KLHL25: variants seen among roughly 807,000 people sequenced by gnomAD.
KLHL25 encodes the protein kelch like family member 25, also known as kelch-like protein 25.
KLHL25 carries 41 observed loss-of-function variants against 30.0 expected under a neutral mutation model. The observed-to-expected ratio is 1.37, with a 90% CI of 1.07 to 1.78. The LOEUF (loss-of-function observed/expected upper bound fraction) is 1.78, where lower values mean the gene tolerates loss of function less well. KLHL25 is among the 40% of genes most tolerant of loss of function. KLHL25 has a pLI of 0.00. For synonymous variants in KLHL25, 399 were observed against 355.3 expected, an observed-to-expected ratio of 1.12 and a Z score of -1.38; for missense variants, 971 against 824.5, an observed-to-expected ratio of 1.18 and a Z score of -2.18.
intron 1 of KLHL25, among the ~76,000 whole-genome samples, chr15:85,792,346 T>C (rs1241083791): frequency 6.6e-6 from 1 of 152,220 alleles, no homozygotes; most frequent in Non-Finnish European, 1.5e-5. Context: ...GGCAATTAAA[T>C]TATGAAATTT....
intron 1 of KLHL25, among the ~76,000 whole-genome samples, chr15:85,772,408 G>T (rs549272642): frequency 1.3e-5 from 2 of 152,388 alleles, no homozygotes; most frequent in African/African-American, 2.4e-5. Context: ...CCCTGCCAGA[G>T]GGGAGGCTGG....
intron 1 of KLHL25, among the ~76,000 whole-genome samples, chr15:85,788,782 G>T (rs1418794124): frequency 6.6e-6 from 1 of 152,156 alleles, no homozygotes; most frequent in East Asian, 1.9e-4. Context: ...AACAAAGCTG[G>T]GTACCTTTCT....
At chr15:85,761,263 G>A (rs2089580552) in intron 2 of KLHL25, 2 of 152,370 alleles carry the variant, frequency 1.3e-5, no homozygotes, top group Admixed American at 6.5e-5. Flanking sequence ...GACACATTAC[G>A]TATTCTCAGT....
chr15:85,777,548 A>C (rs150192961), intron 1 of KLHL25, among the ~76,000 whole-genome samples: 3 of 152,214 alleles, frequency 2.0e-5, no homozygotes, highest in Non-Finnish European at 4.4e-5. Context: ...TGCCTTCTCC[A>C]CATGCTCCAG....
intron 1 of KLHL25, among the ~76,000 whole-genome samples, chr15:85,784,608 G>T (rs565584344): frequency 6.6e-6 from 1 of 152,216 alleles, no homozygotes; most frequent in South Asian, 2.1e-4. Context: ...GAGATTCAAA[G>T]CAAGAAAGGA....
rs1567237388 is a variant in KLHL25 at position 85,765,637 on chromosome 15, AAG to A, written c.*24+2378_*24+2379del. ...AGACTGTCTCAAAAAAAAAAAAAAG[AAG>A]AAGAAGAAGAAGAAGAAAACAGAAA... On this transcript the variant is annotated intron_variant, in intron 2 of 2. Transcript: ENST00000337975. 2.0e-3 allele frequency among the ~76,000 whole-genome samples: 100 copies of A among 49,098 alleles called. 1 individual carries two copies. In the East Asian group the frequency reaches 0.06, roughly 29 times the overall value. The allele number at this position is 49,098 out of a possible 152,430, so 32.2% of individuals were successfully genotyped here.
At position 85,768,393 on chromosome 15, in the gene KLHL25, G is replaced by T; in HGVS notation, c.1418C>A (p.Thr473Lys). 1 of 1,613,602 alleles carries T rather than the reference G, an allele frequency of 6.2e-7. No homozygotes were observed. ...QCYDPSENRWTIKAECPQPWR... is the reference protein window; with the variant it reads ...QCYDPSENRWKIKAECPQPWR... Reference sequence around the variant, plus strand: ...AGGCTGGGGGCACTCGGCCTTGATCGTCCACCTGTTCTCCGAGGGGTCATA... The same window carrying T: ...AGGCTGGGGGCACTCGGCCTTGATCTTCCACCTGTTCTCCGAGGGGTCATA... Residue 473 changes from threonine (T) to lysine (K), a missense_variant, in exon 2 of 3, where the codon ACG becomes AAG. Coordinates refer to ENST00000337975, the MANE Select transcript of KLHL25 (RefSeq NM_022480.4).
In KLHL25 at chr15:85,768,045, G is replaced by A. The variant is rs143819696; in HGVS notation, c.1766C>T (p.Ala589Val). 2.6e-4 allele frequency: 425 copies of A among 1,609,108 alleles called. 1 individual carries two copies. Among genetic ancestry groups the A allele is most frequent in the Non-Finnish European group, 2.8e-4 (325 of 1,176,168 alleles). The stretch of plus-strand genomic sequence containing the variant: ...GCTGGGCTCAGCAGGTGCTCCTCAC[G>A]CGGGCAGGTGCTTCCAGGTGCTGAC... ...AFVSTWKHLP[A>V] Residue 589 changes from alanine to valine, a missense_variant, in exon 2 of 3, where the codon GCG (alanine) becomes GTG (valine). Physicochemically the swap from Ala to Val is moderately conservative, Grantham distance 64. Coordinates refer to ENST00000337975, the MANE Select transcript of KLHL25 (RefSeq NM_022480.4).
chr15:85,794,043 G>A (rs544843750), intron 1 of KLHL25, among the ~76,000 whole-genome samples: 2 of 152,346 alleles, frequency 1.3e-5, no homozygotes, highest in South Asian at 2.1e-4. Flanking sequence ...AACTACGAAA[G>A]AGACAGGGGG....
Position 85,768,945 on chromosome 15 carries a change from C to T in KLHL25, c.866G>A (p.Arg289Gln), listed in dbSNP as rs144157820. The change falls in exon 2 of 3, where the codon CGG becomes CAG. Residue 289 changes from arginine to glutamine, a missense_variant. Arg to Gln is a conservative substitution (Grantham distance 43). Coordinates refer to ENST00000337975, the MANE Select transcript of KLHL25 (RefSeq NM_022480.4). Reference sequence around the variant, plus strand: ...TAGCGTGTGGCCCGCCTTGCGTGGCCGGGCACAGGGGCTGGTGACCACGCC... The same window carrying T: ...TAGCGTGTGGCCCGCCTTGCGTGGCTGGGCACAGGGGCTGGTGACCACGCC... ...NDGVVTSPCA[R>Q]PRKAGHTLLI... 132 of 1,613,300 alleles carry T rather than the reference C, an allele frequency of 8.2e-5. No individual in the cohort carries two copies. The highest frequency in any genetic ancestry group is 4.5e-4 in the South Asian group (41 of 91,090).
intron 2 of KLHL25, chr15:85,763,745 G>A (rs2614660): frequency 0.11 from 16,830 of 152,320 alleles, 1,256 homozygotes; most frequent in East Asian, 0.37. Context: ...AGCCATGCTC[G>A]TGGGGACTAG....
rs563074733 is a variant in KLHL25, at chr15:85,789,757, C to A, written c.-11+5009G>T. On this transcript the variant is annotated intron_variant, in intron 1 of 2. Coordinates refer to ENST00000337975, the MANE Select transcript of KLHL25 (RefSeq NM_022480.4). This position sits in a 1 kb window ranked among gnomAD's most constrained non-coding sequence, Gnocchi z 4.1. The stretch of plus-strand genomic sequence containing the variant: ...GGCCCTGAGAAATGAGTAACCCACA[C>A]ACCACCTTCCCTTGAGCCCACGCCT... Among the ~76,000 whole-genome samples the A allele has an allele frequency of 3.1e-4, 47 of 152,308 alleles. 1 individual carries two copies. The highest frequency in any genetic ancestry group is 1.1e-3 in the African/African-American group (47 of 41,564).
intron 1 of KLHL25, among the ~76,000 whole-genome samples, chr15:85,773,758 AGTGG>A (rs1336286500): frequency 1.4e-4 from 21 of 152,262 alleles, no homozygotes; most frequent in African/African-American, 4.6e-4. Context: ...CAGGGCTGGG[AGTGG>A]GAAGGGGTGA....
intron 1 of KLHL25, among the ~76,000 whole-genome samples, chr15:85,791,113 T>C (rs890771348): frequency 6.7e-6 from 1 of 150,108 alleles, no homozygotes; most frequent in African/African-American, 2.5e-5. Flanking sequence ...AGACAACTGG[T>C]TGACTTGAGA....
intron 1 of KLHL25, among the ~76,000 whole-genome samples, chr15:85,771,996 G>A (rs1029241536): frequency 6.6e-6 from 1 of 152,116 alleles, no homozygotes; most frequent in Non-Finnish European, 1.5e-5. Context: ...TGCCTAATCT[G>A]AATTCCAGAC....
intron 1 of KLHL25, among the ~76,000 whole-genome samples, chr15:85,772,797 T>C (rs1158442633): frequency 6.6e-6 from 1 of 152,246 alleles, no homozygotes; most frequent in Non-Finnish European, 1.5e-5. Context: ...GTCCCAGAGC[T>C]GACAGATACC....
At chr15:85,764,812 T>G (rs751960848) in intron 2 of KLHL25, among the ~76,000 whole-genome samples, 18 of 152,220 alleles carry the variant, frequency 1.2e-4, no homozygotes, top group Non-Finnish European at 2.5e-4. Context: ...TGGCAATCAC[T>G]TGATCTCTAT....
At position 85,769,650 on chromosome 15, in the gene KLHL25, T is replaced by TCGCC. The variant is rs756341020; in HGVS notation, c.157_160dup (p.Asp54GlyfsTer16). The TCGCC allele has an allele frequency of 6.2e-7, 1 of 1,613,496 alleles. No individual in the cohort carries two copies. Among genetic ancestry groups the TCGCC allele is most frequent in the South Asian group, 1.1e-5 (1 of 91,078 alleles). On this transcript the variant is annotated frameshift_variant, in exon 2 of 3. Coordinates refer to ENST00000337975, the MANE Select transcript of KLHL25 (RefSeq NM_022480.4). LOFTEE classifies it high-confidence loss of function. ...GGCACGGTGACAGGGGAAGGCACGGTCGCCCGCCCAGAGTGTGACGTCGGT... is the reference window on the plus strand; with the variant it reads ...GGCACGGTGACAGGGGAAGGCACGGTCGCCCGCCCGCCCAGAGTGTGACGTCGGT...
intron 1 of KLHL25, among the ~76,000 whole-genome samples, chr15:85,771,665 C>G (rs56388190): frequency 0.21 from 32,567 of 152,198 alleles, 3,733 homozygotes; most frequent in African/African-American, 0.26. Context: ...GCCTAAGACA[C>G]TGCTGTCCAA....
Sources: gnomAD v4.1 joint callset for allele counts (sites outside exome capture counted in the v4.1 genomes callset) on GRCh38, gnomAD v4.1.1 for gene constraint, Gnocchi (gnomAD v3.1) non-coding constraint, MANE v1.5 for transcripts, NCBI Gene and HGNC (gene_info 2026-07-23, HGNC 2026-07-21) for gene names.